The following MEGF10 variants were observed in gnomAD, a reference collection of about 807,000 sequenced individuals.
MEGF10 encodes multiple epidermal growth factor-like domains protein 10.
In MEGF10, 86 loss-of-function variants were observed where a neutral mutation model predicts 147.5. The ratio of observed to expected loss-of-function variants is 0.58; its 90% confidence interval spans 0.49 to 0.70. MEGF10 has a LOEUF of 0.70. Ranked by LOEUF, MEGF10 falls within the 30% of genes least tolerant of loss-of-function variation. The probability of loss-of-function intolerance (pLI) is 0.00; values close to 1 mark genes in which losing one functional copy is unlikely to be tolerated. For missense variants in MEGF10, 1,329 were observed against 1,487.3 expected (o/e 0.89, Z 1.75); for synonymous variants, 478 against 525.5 (o/e 0.91, Z 1.24).
At chr5:127,392,090 C>T (rs527719226) in intron 5 of MEGF10, among the ~76,000 whole-genome samples, 3 of 152,276 alleles carry the variant, frequency 2.0e-5, no homozygotes, top group South Asian at 4.2e-4. Context: ...CATCTTAGAT[C>T]GGTTCTCAAA....
At chr5:127,350,173 G>C (rs754189792) in intron 4 of MEGF10, among the ~76,000 whole-genome samples, 23 of 152,074 alleles carry the variant, frequency 1.5e-4, no homozygotes, top group Non-Finnish European at 2.9e-4. Flanking sequence ...CATATAGTCT[G>C]AAGTTACACC....
intron 1 of MEGF10, among the ~76,000 whole-genome samples, chr5:127,298,229 C>T (rs1226967794): frequency 6.6e-6 from 1 of 152,182 alleles, no homozygotes; most frequent in Non-Finnish European, 1.5e-5. Context: ...GGCTTCAGCG[C>T]TGTCCTGCTG....
chr5:127,439,960 A>G (rs1765694988), intron 17 of MEGF10, among the ~76,000 whole-genome samples: 1 of 152,248 alleles, frequency 6.6e-6, no homozygotes, highest in African/African-American at 2.4e-5. Context: ...CTGCTTCTTG[A>G]AAGTTCCATA....
intron 1 of MEGF10, among the ~76,000 whole-genome samples, chr5:127,329,067 T>C (rs1157227383): frequency 6.6e-6 from 1 of 152,198 alleles, no homozygotes; most frequent in Non-Finnish European, 1.5e-5. Flanking sequence ...CAGTAATCGG[T>C]CAGGAAATGT....
At chr5:127,290,321 G>T (rs1406575942), upstream of MEGF10, among the ~76,000 whole-genome samples, 3 of 152,090 alleles carry the variant, frequency 2.0e-5, no homozygotes, top group South Asian at 2.1e-4. Context: ...TCCTTTCTGG[G>T]TCCCACCTTT....
At chr5:127,275,101 A>G in the MEGF10 span, among the ~76,000 whole-genome samples, 1 of 152,214 alleles carries the variant, frequency 6.6e-6, no homozygotes, top group African/African-American at 2.4e-5. Context: ...GCTAGCCATC[A>G]TTATATTGTG....
chr5:127,422,649 T>C, intron 12 of MEGF10, 21 bp from the exon 13 acceptor site: 1 of 1,606,376 alleles, frequency 6.2e-7, no homozygotes, highest in Non-Finnish European at 8.5e-7. Context: ...ATTGCTGCCT[T>C]TGATGCTGTT....
chr5:127,355,586 A>G (rs569300712), intron 4 of MEGF10, among the ~76,000 whole-genome samples: 11 of 152,256 alleles, frequency 7.2e-5, no homozygotes, highest in African/African-American at 2.4e-4. Context: ...TTGTCCACAT[A>G]CCGTGCCAGC....
At chr5:127,269,200 C>T in the MEGF10 span, among the ~76,000 whole-genome samples, 15 of 152,350 alleles carry the variant, frequency 9.8e-5, no homozygotes, top group South Asian at 2.1e-4. Flanking sequence ...TCCAAAGGAA[C>T]GCAGCTCCTC....
At chr5:127,360,862 G>GTATA (rs201793273) in intron 4 of MEGF10, among the ~76,000 whole-genome samples, 4,864 of 151,562 alleles carry the variant, frequency 0.032, 260 homozygotes, top group African/African-American at 0.11. Context: ...ATATATGTGT[G>GTATA]TGTATATATA....
At chr5:127,433,994 T>C (rs1397024607) in intron 14 of MEGF10, among the ~76,000 whole-genome samples, 2 of 152,226 alleles carry the variant, frequency 1.3e-5, no homozygotes, top group African/African-American at 2.4e-5. Flanking sequence ...ACTGTTGACA[T>C]TGGTCCTTAA....
In MEGF10 at chr5:127,435,444, T is replaced by A. The variant is rs747367806; in HGVS notation, c.2059T>A (p.Ser687Thr). The A allele has an allele frequency of 6.2e-7, 1 of 1,614,082 alleles. No individual in the cohort carries two copies. Among genetic ancestry groups the A allele is most frequent in the East Asian group, 2.2e-5 (1 of 44,874 alleles). The change falls in exon 16 of 25, where the codon TCT becomes ACT. Residue 687 changes from serine to threonine, a missense_variant. Ser to Thr is a moderately conservative substitution (Grantham distance 58). Around this residue, in one of 3 missense-constraint regions of MEGF10, gnomAD observed 980 missense variants for 1,085.9 expected, o/e 0.90. Transcript: ENST00000503335. ...NNGTCNPIDR[S>T]CQCYPGWIGS... is the part of the protein sequence containing the mutation. ...CGGAACCTGTAACCCCATTGACAGA[T>A]CTTGTCAGTGTTACCCCGGTTGGAT...
chr5:127,367,960 A>T (rs1580771953), intron 4 of MEGF10, among the ~76,000 whole-genome samples: 1 of 152,210 alleles, frequency 6.6e-6, no homozygotes. Flanking sequence ...TGTTAGACCC[A>T]AGCCTACTGT....
rs746095070 is a variant in MEGF10, at chr5:127,402,688, G to T, written c.917+6G>T. ...CCAGGATACACAGGGGAACGGTAAG[G>T]GATGCCCTTGTATTTCTCTGACTGT... is the stretch of plus-strand genomic sequence containing the variant. On this transcript the variant is annotated splice_donor_region_variant and intron_variant, in intron 8 of 24. Transcript: ENST00000503335. 2.7e-5 allele frequency: 44 copies of T among 1,613,472 alleles called. No individual in the cohort carries two copies. The highest frequency in any genetic ancestry group is 3.3e-4 in the Middle Eastern group (2 of 6,072).
chr5:127,274,435 G>A, the MEGF10 span, among the ~76,000 whole-genome samples: 1 of 152,022 alleles, frequency 6.6e-6, no homozygotes, highest in African/African-American at 2.4e-5. Context: ...TCAATTTTTT[G>A]GAGATCTATG....
chr5:127,353,558 G>A (rs1167467159), intron 4 of MEGF10, among the ~76,000 whole-genome samples: 5 of 152,206 alleles, frequency 3.3e-5, no homozygotes, highest in South Asian at 2.1e-4. Context: ...CAGAGAAAGC[G>A]AATCATTGTA....
At chr5:127,406,960 G>A (rs1305847665) in intron 8 of MEGF10, among the ~76,000 whole-genome samples, 1 of 152,204 alleles carries the variant, frequency 6.6e-6, no homozygotes, top group African/African-American at 2.4e-5. Context: ...TTAGCTGGAT[G>A]AAGGGATGCA....
At chr5:127,401,337 T>G (rs1406170563) in intron 7 of MEGF10, among the ~76,000 whole-genome samples, 1 of 152,202 alleles carries the variant, frequency 6.6e-6, no homozygotes, top group Admixed American at 6.5e-5. Flanking sequence ...ACATAGATGA[T>G]TCTCAGTTAA....
chr5:127,339,068 A>T, intron 2 of MEGF10, 52 bp from the exon 3 acceptor site: 3 of 1,204,104 alleles, frequency 2.5e-6, no homozygotes, highest in Non-Finnish European at 3.6e-6. Flanking sequence ...ATAGTATATT[A>T]TTAATTTAAA....
Sources: gnomAD v4.1 joint callset for allele counts (sites outside exome capture counted in the v4.1 genomes callset) on GRCh38, gnomAD v4.1.1 for gene constraint, gnomAD v4.1.1 regional missense constraint, MANE v1.5 for transcripts, NCBI Gene and HGNC (gene_info 2026-07-23, HGNC 2026-07-21) for gene names.